LRMDA: variants seen among roughly 807,000 people sequenced by gnomAD.
LRMDA encodes the protein leucine-rich melanocyte differentiation-associated protein.
LRMDA carries 18 observed loss-of-function variants against 29.8 expected under a neutral mutation model. The ratio of observed to expected loss-of-function variants is 0.60; its 90% CI spans 0.42 to 0.90. LRMDA has a LOEUF of 0.90. Among genes scored for constraint, LRMDA ranks in the 40% least tolerant of loss-of-function variants. LRMDA has a pLI of 0.00. For synonymous variants in LRMDA, 125 were observed against 109.4 expected (o/e 1.14, Z -0.89); for missense variants, 273 against 273.9 (o/e 1.00, Z 0.02).
At chr10:75,471,597 G>A (rs567092160) in intron 2 of LRMDA, among the ~76,000 whole-genome samples, 1 of 152,262 alleles carries the variant, frequency 6.6e-6, no homozygotes, top group East Asian at 1.9e-4. Context: ...TGCTACATAC[G>A]TTGTTTTGAG....
chr10:75,999,825 C>G (rs947548840), intron 2 of LRMDA, among the ~76,000 whole-genome samples: 1 of 152,152 alleles, frequency 6.6e-6, no homozygotes, highest in African/African-American at 2.4e-5. Flanking sequence ...GCACTGATAT[C>G]TTGAAGGATG....
intron 2 of LRMDA, among the ~76,000 whole-genome samples, chr10:75,839,467 C>T (rs574621613): frequency 6.6e-6 from 1 of 152,144 alleles, no homozygotes; most frequent in South Asian, 2.1e-4. Flanking sequence ...TATGTAGACA[C>T]ATCAGTTCCC....
rs148168074 is a variant in LRMDA, at chr10:75,897,575, T to C, written c.132-138433T>C. On this transcript the variant is annotated intron_variant, in intron 2 of 6. Transcript: ENST00000611255. ...CTTGAGCTTTAAGGAAACTTAAGGA[T>C]TATCTAATCAGTCCTTTCATTTTAC... 4.7e-3 allele frequency among the ~76,000 whole-genome samples: 709 copies of C among 152,130 alleles called. 10 individuals carry two copies. The highest frequency in any genetic ancestry group is 0.016 in the African/African-American group (677 of 41,536).
At chr10:76,170,838 GA>G (rs2132192236) in intron 5 of LRMDA, among the ~76,000 whole-genome samples, 1 of 152,332 alleles carries the variant, frequency 6.6e-6, no homozygotes, top group African/African-American at 2.4e-5. Context: ...TGAGGTTAGA[GA>G]GGAGGAAAAT....
At chr10:75,776,924 G>T (rs775993774) in intron 2 of LRMDA, among the ~76,000 whole-genome samples, 16 of 152,212 alleles carry the variant, frequency 1.1e-4, no homozygotes, top group Non-Finnish European at 1.9e-4. Context: ...TTTCAAAGCT[G>T]CAGAGATGAA....
intron 5 of LRMDA, among the ~76,000 whole-genome samples, chr10:76,101,813 C>G (rs988053476): frequency 6.6e-6 from 1 of 152,118 alleles, no homozygotes; most frequent in South Asian, 2.1e-4. Flanking sequence ...AGTACATTCG[C>G]AGGGTTGTGT....
intron 6 of LRMDA, among the ~76,000 whole-genome samples, chr10:76,397,491 C>G (rs973031175): frequency 1.3e-5 from 2 of 152,222 alleles, no homozygotes; most frequent in Non-Finnish European, 2.9e-5. Context: ...GGCCAACTGA[C>G]CACTTCATAA....
At chr10:76,425,672 A>G (rs985385689) in intron 6 of LRMDA, among the ~76,000 whole-genome samples, 4 of 152,006 alleles carry the variant, frequency 2.6e-5, no homozygotes, top group Non-Finnish European at 5.9e-5. Context: ...TTACATATGT[A>G]TACATGTGTC....
At chr10:76,110,078 C>T (rs1033159080) in intron 5 of LRMDA, among the ~76,000 whole-genome samples, 1 of 152,180 alleles carries the variant, frequency 6.6e-6, no homozygotes, top group Non-Finnish European at 1.5e-5. Flanking sequence ...AAATATTTGC[C>T]TCTGCCTTCT....
intron 5 of LRMDA, among the ~76,000 whole-genome samples, chr10:76,249,628 TA>T (rs1852436846): frequency 6.6e-6 from 1 of 152,242 alleles, no homozygotes; most frequent in South Asian, 2.1e-4. Context: ...TGACAAGTTT[TA>T]AAGAAACAGA....
intron 2 of LRMDA, among the ~76,000 whole-genome samples, chr10:75,966,238 G>C (rs1019606164): frequency 1.3e-5 from 2 of 152,188 alleles, no homozygotes; most frequent in African/African-American, 4.8e-5. Flanking sequence ...GTGGACGAGA[G>C]CCTGGGTGTG....
chr10:75,450,662 T>C (rs1173490459), intron 2 of LRMDA: 1 of 152,244 alleles, frequency 6.6e-6, no homozygotes, highest in African/African-American at 2.4e-5. Flanking sequence ...TAGAGAAATA[T>C]TTTCCCCATA....
chr10:76,138,069 C>A (rs1381157892), intron 5 of LRMDA, among the ~76,000 whole-genome samples: 2 of 152,072 alleles, frequency 1.3e-5, no homozygotes, highest in Non-Finnish European at 2.9e-5. Context: ...CTTATAATTC[C>A]CTGTTTAAAC....
intron 2 of LRMDA, among the ~76,000 whole-genome samples, chr10:75,745,772 C>A (rs1842883027): frequency 6.6e-6 from 1 of 152,198 alleles, no homozygotes; most frequent in African/African-American, 2.4e-5. Flanking sequence ...TTTTAGTTAT[C>A]ATGTCTCCTT....
intron 2 of LRMDA, among the ~76,000 whole-genome samples, chr10:75,794,002 G>C (rs775539229): frequency 6.6e-6 from 1 of 152,228 alleles, no homozygotes; most frequent in Non-Finnish European, 1.5e-5. Context: ...GCACACATGG[G>C]CATGGCTATG....
chr10:76,160,890 T>C (rs1290796092), intron 5 of LRMDA, among the ~76,000 whole-genome samples: 1 of 152,092 alleles, frequency 6.6e-6, no homozygotes, highest in Non-Finnish European at 1.5e-5. Context: ...CTAGTTGAGG[T>C]GTATCTAAGA....
At chr10:75,805,267 G>C (rs1843831548) in intron 2 of LRMDA, among the ~76,000 whole-genome samples, 1 of 152,138 alleles carries the variant, frequency 6.6e-6, no homozygotes, top group Non-Finnish European at 1.5e-5. Flanking sequence ...GTTGGAGAAA[G>C]TAATGGTGTT....
chr10:76,432,880 T>G (rs1019944841), intron 6 of LRMDA, among the ~76,000 whole-genome samples: 2 of 152,154 alleles, frequency 1.3e-5, no homozygotes, highest in Non-Finnish European at 2.9e-5. Flanking sequence ...CTAGCTGGTC[T>G]CTTGAATGAC....
chr10:76,324,648 C>T (rs1450007945), intron 6 of LRMDA, among the ~76,000 whole-genome samples, 163 bp downstream of exon 6: 1 of 152,064 alleles, frequency 6.6e-6, no homozygotes, highest in Non-Finnish European at 1.5e-5. Flanking sequence ...GATTTTAACC[C>T]ATATTAAACA....
Sources: gnomAD v4.1 joint callset for allele counts (sites outside exome capture counted in the v4.1 genomes callset) on GRCh38, gnomAD v4.1.1 for gene constraint, MANE v1.5 for transcripts, NCBI Gene and HGNC (gene_info 2026-07-23, HGNC 2026-07-21) for gene names.